RBFA: variants seen among roughly 807,000 people sequenced by gnomAD.
RBFA encodes the protein putative ribosome-binding factor A, mitochondrial.
RBFA carries 16 observed loss-of-function variants against 27.9 expected under a neutral mutation model. The ratio of observed to expected loss-of-function variants is 0.57; its 90% CI spans 0.39 to 0.87. RBFA has a LOEUF of 0.87. Among genes scored for constraint, RBFA ranks in the 40% least tolerant of loss-of-function variants. The pLI, the probability that RBFA is intolerant of heterozygous loss-of-function variation, is 0.00. For synonymous variants in RBFA, 181 were observed against 181.0 expected (o/e 1.00, Z 0.00); for missense variants, 456 against 432.1 (o/e 1.06, Z -0.49).
At chr18:80,034,680 G>A (rs1454995106) in intron 1 of RBFA, 27 bp downstream of exon 1, 2 of 1,605,224 alleles carry the variant, frequency 1.2e-6, no homozygotes, top group South Asian at 1.1e-5. Flanking sequence ...GGTGTCCCTG[G>A]GCGCGGTATT....
At chr18:80,045,715 G>A (rs3744871) in intron 6 of RBFA, 59 bp from the exon 7 acceptor site, 224,690 of 1,473,784 alleles carry the variant, frequency 0.15, 18,233 homozygotes, top group East Asian at 0.28. Flanking sequence ...TTGTGGCGAC[G>A]ACACTGTGGA....
At position 80,042,159 on chromosome 18, in the gene RBFA, C is replaced by T. The variant is rs376608036; in HGVS notation, c.516C>T (p.Thr172=). ...GGCACCTTTTGATGTCCCAGCAGACCCTGAGGAATGTGCCACCGATAGTGT... is the reference window on the plus strand; with the variant it reads ...GGCACCTTTTGATGTCCCAGCAGACTCTGAGGAATGTGCCACCGATAGTGT... ...HMRHLLMSQQ[T]LRNVPPIVFV... The change falls in exon 5 of 7, where the codon ACC becomes ACT. Residue 172 remains threonine (T), a synonymous_variant. Transcript: ENST00000306735. 2 of 1,610,850 alleles carry T rather than the reference C, an allele frequency of 1.2e-6. No individual in the cohort carries two copies. The highest frequency in any genetic ancestry group is 1.1e-5 in the South Asian group (1 of 90,836).
rs2052062895 is a variant in RBFA at position 80,047,349 on chromosome 18, A to C, written c.*1194A>C. 1 of 152,394 alleles carries C rather than the reference A, an allele frequency of 6.6e-6. No homozygotes were observed. Among genetic ancestry groups the C allele is most frequent in the Non-Finnish European group, 1.5e-5 (1 of 68,128 alleles). 9.4% of individuals were successfully genotyped at this position (152,394 alleles called of 1,614,324 possible). On this transcript the variant is annotated 3_prime_UTR_variant, in exon 7 of 7. Transcript: ENST00000306735. ...GCCTGCCGTGCTGACCACTGGATCCAGGCCACGTGCTGCAGACAGCGGCTG... is the reference window on the plus strand; with the variant it reads ...GCCTGCCGTGCTGACCACTGGATCCCGGCCACGTGCTGCAGACAGCGGCTG...
intron 4 of RBFA, among the ~76,000 whole-genome samples, chr18:80,040,388 A>G (rs2052008900): frequency 6.6e-6 from 1 of 152,012 alleles, no homozygotes; most frequent in Non-Finnish European, 1.5e-5. Flanking sequence ...AGCTGGAAGC[A>G]CAGGTGCATG....
chr18:80,037,103 T>A, intron 2 of RBFA: 2 of 490,232 alleles, frequency 4.1e-6, no homozygotes, highest in Non-Finnish European at 7.2e-6. Flanking sequence ...AAACTTTTTT[T>A]GAGAAAATAT....
intron 2 of RBFA, 70 bp from the exon 3 acceptor site, chr18:80,037,260 C>T (rs2051985415): frequency 7.2e-7 from 1 of 1,396,606 alleles, no homozygotes. Flanking sequence ...TCCCCCAGCC[C>T]CTGCTGTGTG....
At chr18:80,045,704 G>A in intron 6 of RBFA, 70 bp from the exon 7 acceptor site, 5 of 1,470,726 alleles carry the variant, frequency 3.4e-6, no homozygotes, top group Non-Finnish European at 4.5e-6. Context: ...GTGCTGTTGT[G>A]TTGTGGCGAC....
intron 5 of RBFA, among the ~76,000 whole-genome samples, chr18:80,043,176 T>C (rs1032193361): frequency 2.0e-5 from 3 of 152,250 alleles, no homozygotes; most frequent in African/African-American, 7.2e-5. Flanking sequence ...CTGGCAGTTA[T>C]TAAGATATGT....
In RBFA at chr18:80,050,316, T is replaced by A. The variant is rs574166363; in HGVS notation, c.*4161T>A. ...GGGAACTGGGGAGGACAGGTCATGA[T>A]CAGTGTTTCCTGATTAAAAATTTTT... On this transcript the variant is annotated 3_prime_UTR_variant, in exon 7 of 7. Coordinates refer to ENST00000306735, the MANE Select transcript of RBFA (RefSeq NM_024805.3). Among the ~76,000 whole-genome samples the A allele has an allele frequency of 1.3e-5, 2 of 152,314 alleles. No individual in the cohort carries two copies. The highest frequency in any genetic ancestry group is 3.9e-4 in the East Asian group (2 of 5,176).
At chr18:80,034,677 C>T in intron 1 of RBFA, 24 bp downstream of exon 1, 2 of 1,606,080 alleles carry the variant, frequency 1.2e-6, no homozygotes, top group African/African-American at 1.3e-5. Context: ...GGCGGTGTCC[C>T]TGGGCGCGGT....
rs2052089135 is a variant in RBFA at position 80,050,560 on chromosome 18, TCTGTG to T, written c.*4409_*4413del. 6.6e-6 allele frequency among the ~76,000 whole-genome samples: 1 copy of T among 152,230 alleles called. No homozygotes were observed. Among genetic ancestry groups the T allele is most frequent in the Non-Finnish European group, 1.5e-5 (1 of 68,034 alleles). ...AATTGTTATTGACTATAGTCACCCT[TCTGTG>T]CTGCTGCTCTACTGTGGCCTCAAAG... On this transcript the variant is annotated 3_prime_UTR_variant, in exon 7 of 7. Transcript: ENST00000306735.
intron 4 of RBFA, among the ~76,000 whole-genome samples, chr18:80,039,504 G>A (rs1037200974): frequency 6.6e-6 from 1 of 152,176 alleles, no homozygotes; most frequent in African/African-American, 2.4e-5. Context: ...TTAGGTTTGG[G>A]TGTTTGGCAG....
chr18:80,046,277 T>C lies in RBFA; in HGVS notation c.*122T>C, dbSNP rs529312493. 18 of 1,161,308 alleles carry C rather than the reference T, an allele frequency of 1.5e-5. No individual in the cohort carries two copies. In the African/African-American group the frequency reaches 1.9e-4, roughly 12 times the overall value. 71.9% of individuals were successfully genotyped at this position (1,161,308 alleles called of 1,614,324 possible). A position where few individuals can be genotyped will look rare whatever the true frequency, so the allele number is the denominator to read the frequency against. ...CTGCTCTTCTGCTACTTCAACATTT[T>C]CTAGCTTTTCCGTGTATCTAAACAC... On this transcript the variant is annotated 3_prime_UTR_variant, in exon 7 of 7. Transcript: ENST00000306735.
intron 6 of RBFA, among the ~76,000 whole-genome samples, chr18:80,045,375 C>T (rs571017352): frequency 2.6e-5 from 4 of 152,130 alleles, no homozygotes; most frequent in South Asian, 2.1e-4. Context: ...TACAGGCGAG[C>T]GCCACCACGC....
At chr18:80,045,731 G>T (rs1368743471) in intron 6 of RBFA, 43 bp from the exon 7 acceptor site, 2 of 1,499,062 alleles carry the variant, frequency 1.3e-6, no homozygotes, top group African/African-American at 1.4e-5. Context: ...GTGGACTAGG[G>T]GCATGGTTTG....
intron 6 of RBFA, among the ~76,000 whole-genome samples, chr18:80,044,817 G>T (rs370123704): frequency 5.3e-5 from 8 of 152,250 alleles, no homozygotes; most frequent in African/African-American, 1.7e-4. Context: ...GGGTGTTTGT[G>T]GGGGGCCCCA....
Position 80,047,989 on chromosome 18 carries a change from G to A in RBFA, c.*1834G>A, listed in dbSNP as rs1388652342. ...GTCAGGCCAAGGCCTTTTGTATCTG[G>A]TGTTACTGGAACATGGCTATGTGAA... On this transcript the variant is annotated 3_prime_UTR_variant, in exon 7 of 7. Transcript: ENST00000306735. 1.3e-5 allele frequency: 2 copies of A among 152,218 alleles called. No individual in the cohort carries two copies. Among genetic ancestry groups the A allele is most frequent in the African/African-American group, 4.8e-5 (2 of 41,440 alleles). The allele number at this position is 152,218 out of a possible 1,614,324, so 9.4% of individuals were successfully genotyped here. A position where few individuals can be genotyped will look rare whatever the true frequency, so the allele number is the denominator to read the frequency against.
At position 80,037,484 on chromosome 18, in the gene RBFA, A is replaced by T. The variant is rs749997364; in HGVS notation, c.356A>T (p.Asp119Val). 17 of 1,612,998 alleles carry T rather than the reference A, an allele frequency of 1.1e-5. No homozygotes were observed. Among genetic ancestry groups the T allele is most frequent in the Non-Finnish European group, 1.4e-5 (17 of 1,179,118 alleles). ...CTPEVSQELY[D>V]LNVELSKVSL... is the part of the protein sequence containing the mutation. ...CCTGAAGTGAGTCAGGAGCTGTATG[A>T]CCTTAACGTGGAGCTCTCCAAGGTA... Residue 119 changes from aspartate to valine, a missense_variant, in exon 3 of 7, where the codon GAC (aspartate) becomes GTC (valine). By Grantham distance (152) the Asp-to-Val change is radical. Transcript: ENST00000306735.
rs1014493206 is a variant in RBFA, at chr18:80,050,329, A to C, written c.*4174A>C. On this transcript the variant is annotated 3_prime_UTR_variant, in exon 7 of 7. Transcript: ENST00000306735. ...GACAGGTCATGATCAGTGTTTCCTG[A>C]TTAAAAATTTTTTATTTTTATTTTT... Among the ~76,000 whole-genome samples the C allele has an allele frequency of 2.0e-5, 3 of 152,192 alleles. No homozygotes were observed. Among genetic ancestry groups the C allele is most frequent in the Non-Finnish European group, 4.4e-5 (3 of 68,036 alleles).
Sources: allele counts gnomAD v4.1 joint callset (sites outside exome capture counted in the v4.1 genomes callset), GRCh38; gene constraint gnomAD v4.1.1; transcripts MANE v1.5; gene names NCBI Gene and HGNC (gene_info 2026-07-23, HGNC 2026-07-21).